The following LOC400499 variants were observed in gnomAD, a reference collection of about 807,000 sequenced individuals.
the LOC400499 span, among the ~76,000 whole-genome samples, chr16:11,500,372 G>A: frequency 1.3e-5 from 2 of 152,104 alleles, no homozygotes; most frequent in Admixed American, 1.3e-4. Flanking sequence ...TTAGCCAGGT[G>A]GGGTGGTGCA....
chr16:11,387,230 C>T, the LOC400499 span: 104 of 1,232,218 alleles, frequency 8.4e-5, no homozygotes, highest in Non-Finnish European at 9.5e-5. Context: ...GCTGGTCACC[C>T]GGGCCACGTC....
the LOC400499 span, among the ~76,000 whole-genome samples, chr16:11,491,268 A>G: frequency 6.6e-6 from 1 of 152,124 alleles, no homozygotes; most frequent in African/African-American, 2.4e-5. Flanking sequence ...TTTTGAATTT[A>G]CATCTTTGCG....
the LOC400499 span, among the ~76,000 whole-genome samples, chr16:11,434,878 A>C: frequency 6.6e-6 from 1 of 152,168 alleles, no homozygotes; most frequent in Admixed American, 6.5e-5. Context: ...CATAGTGGAC[A>C]CATGAGTAGG....
chr16:11,390,400 C>T, the LOC400499 span: 15 of 1,247,650 alleles, frequency 1.2e-5, no homozygotes, highest in Non-Finnish European at 1.4e-5. Context: ...TCGCTCCCGC[C>T]ACACCTCCTC....
chr16:11,468,954 T>C, the LOC400499 span, among the ~76,000 whole-genome samples: 543 of 152,350 alleles, frequency 3.6e-3, no homozygotes, highest in African/African-American at 0.012. Context: ...GTTTTTGTGT[T>C]ATTAATATCC....
chr16:11,446,921 G>A, the LOC400499 span: 1 of 1,529,760 alleles, frequency 6.5e-7, no homozygotes, highest in Non-Finnish European at 8.7e-7. Flanking sequence ...CTGGTGTGCA[G>A]AGGGAAAAAC....
At chr16:11,459,967 T>C in the LOC400499 span, 13 of 1,515,292 alleles carry the variant, frequency 8.6e-6, no homozygotes, top group Admixed American at 2.2e-4. Context: ...AGATGCCTCT[T>C]GTTGCTGTTC....
the LOC400499 span, among the ~76,000 whole-genome samples, chr16:11,504,007 G>C: frequency 6.6e-6 from 1 of 152,206 alleles, no homozygotes; most frequent in Non-Finnish European, 1.5e-5. Flanking sequence ...TTGGCACCCT[G>C]GGTTCGGAAG....
the LOC400499 span, chr16:11,424,372 T>C: frequency 2.5e-6 from 1 of 399,130 alleles, no homozygotes; most frequent in East Asian, 3.6e-5. Flanking sequence ...CGGGCAGGAG[T>C]GGGCAGAGCC....
At chr16:11,460,873 G>C in the LOC400499 span, 1 of 1,412,740 alleles carries the variant, frequency 7.1e-7, no homozygotes. Flanking sequence ...CGTGGTGACA[G>C]CGTATCTCAG....
the LOC400499 span, among the ~76,000 whole-genome samples, chr16:11,429,903 A>G: frequency 1.3e-5 from 2 of 152,248 alleles, no homozygotes; most frequent in African/African-American, 4.8e-5. Context: ...TTCCATGAGA[A>G]CAGAGAATAC....
At chr16:11,420,585 AAAT>A in the LOC400499 span, among the ~76,000 whole-genome samples, 3,100 of 143,544 alleles carry the variant, frequency 0.022, 144 homozygotes, top group African/African-American at 0.079. Context: ...CCTAAAACTT[AAAT>A]AATAATAAAC....
the LOC400499 span, among the ~76,000 whole-genome samples, chr16:11,418,312 GGT>G: frequency 6.6e-6 from 1 of 152,196 alleles, no homozygotes; most frequent in Non-Finnish European, 1.5e-5. Context: ...ATTCCCAGGA[GGT>G]CAGGCATTCT....
At chr16:11,384,064 G>A in the LOC400499 span, 2,344 of 1,231,514 alleles carry the variant, frequency 1.9e-3, 33 homozygotes, top group African/African-American at 0.03. Context: ...GCTCCCCCGC[G>A]TACACTGGCC....
the LOC400499 span, chr16:11,472,268 C>T: frequency 6.6e-6 from 1 of 152,220 alleles, no homozygotes. Flanking sequence ...TCTCGGCTCA[C>T]TGCAACCTCT....
the LOC400499 span, chr16:11,467,391 T>C: frequency 1.3e-5 from 2 of 151,230 alleles, no homozygotes; most frequent in African/African-American, 2.4e-5. Flanking sequence ...GGGCAGACTG[T>C]GTAAGCCCAA....
chr16:11,511,844 T>G, the LOC400499 span, among the ~76,000 whole-genome samples: 16 of 150,652 alleles, frequency 1.1e-4, no homozygotes, highest in African/African-American at 3.7e-4. Context: ...CTGGGCAACA[T>G]AGCAAGACCC....
At chr16:11,461,562 G>A in the LOC400499 span, among the ~76,000 whole-genome samples, 4 of 152,152 alleles carry the variant, frequency 2.6e-5, no homozygotes, top group Admixed American at 2.6e-4. Context: ...CAGGACAGAA[G>A]AGAAAAGAAA....
the LOC400499 span, among the ~76,000 whole-genome samples, chr16:11,430,038 C>G: frequency 6.6e-6 from 1 of 152,194 alleles, no homozygotes; most frequent in African/African-American, 2.4e-5. Flanking sequence ...ATGTCACCAA[C>G]GTTGGACAAA....
Sources: allele counts gnomAD v4.1 joint callset (sites outside exome capture counted in the v4.1 genomes callset), GRCh38; gene constraint gnomAD v4.1.1; transcripts MANE v1.5.